IQANK1: variants seen among roughly 807,000 people sequenced by gnomAD.
The protein encoded by IQANK1 is IQ motif and ankyrin repeat containing 1.
Under a neutral mutation model 22.6 loss-of-function variants are expected in IQANK1, and 30 were observed. The ratio of observed to expected loss-of-function variants is 1.33; its 90% CI spans 0.99 to 1.80. IQANK1 has a LOEUF of 1.80. Among genes scored for constraint, IQANK1 ranks in the 40% most tolerant of loss-of-function variants. The pLI is 0.00. For missense variants in IQANK1, 275 were observed against 235.2 expected (o/e 1.17, Z -1.11); for synonymous variants, 122 against 99.6 (o/e 1.23, Z -1.34).
At chr8:143,737,123 C>T (rs1420844556) in intron 2 of IQANK1, among the ~76,000 whole-genome samples, 1 of 152,234 alleles carries the variant, frequency 6.6e-6, no homozygotes, top group East Asian at 1.9e-4. Context: ...GCCAGCCGCC[C>T]TCCTGGAATG....
rs1396592876 is a variant in IQANK1, at chr8:143,749,116, G to A, written c.175+9168G>A. Among the ~76,000 whole-genome samples the A allele has an allele frequency of 1.6e-3, 187 of 119,378 alleles. 1 individual carries two copies. Among genetic ancestry groups the A allele is most frequent in the African/African-American group, 3.9e-3 (113 of 29,152 alleles). The allele number at this position is 119,378 out of a possible 152,430, so 78.3% of individuals were successfully genotyped here. A position where few individuals can be genotyped will look rare whatever the true frequency, so the allele number is the denominator to read the frequency against. On this transcript the variant is annotated intron_variant, in intron 3 of 13. Transcript: ENST00000527139. ...AATATATAGCATATATGATATAAAC[G>A]TATATATAGCATATATGATATATAT...
intron 3 of IQANK1, among the ~76,000 whole-genome samples, chr8:143,751,660 G>GTATATATATATATATATATATATATA (rs1440239363): frequency 7.0e-4 from 31 of 43,992 alleles, no homozygotes; most frequent in Admixed American, 2.9e-3. Context: ...GTGTGTGTGT[G>GTATATATATATATATATATATATATA]TGTGTATATA....
chr8:143,748,537 A>C (rs1370010476), intron 3 of IQANK1, among the ~76,000 whole-genome samples: 1 of 136,600 alleles, frequency 7.3e-6, no homozygotes, highest in Non-Finnish European at 1.5e-5. Flanking sequence ...TATATATGAT[A>C]TATAATATAT....
At chr8:143,789,713 C>G (rs1819982688) in intron 10 of IQANK1, 48 bp from the exon 11 acceptor site, 1 of 1,225,072 alleles carries the variant, frequency 8.2e-7, no homozygotes, top group African/African-American at 1.6e-5. Flanking sequence ...CCCTCTCCAG[C>G]CAGAGCATGG....
chr8:143,744,019 A>C (rs1226368039), intron 3 of IQANK1: 1 of 314,846 alleles, frequency 3.2e-6, no homozygotes, highest in African/African-American at 2.3e-5. Context: ...TTTTTAGTAG[A>C]GACAGGGTTT....
chr8:143,770,353 G>A (rs758159075), intron 3 of IQANK1, among the ~76,000 whole-genome samples: 1 of 152,136 alleles, frequency 6.6e-6, no homozygotes, highest in Non-Finnish European at 1.5e-5. Flanking sequence ...CTAGACGCAC[G>A]TTATTCTTAT....
At chr8:143,753,021 T>TTTTTTTA (rs1819224624) in intron 3 of IQANK1, among the ~76,000 whole-genome samples, 3 of 135,848 alleles carry the variant, frequency 2.2e-5, no homozygotes, top group African/African-American at 8.2e-5. Flanking sequence ...TTTTTTTTTT[T>TTTTTTTA]GAGACAGGGT....
chr8:143,772,728 C>T (rs1480716832), intron 7 of IQANK1, among the ~76,000 whole-genome samples: 2 of 152,244 alleles, frequency 1.3e-5, no homozygotes, highest in African/African-American at 4.8e-5. Flanking sequence ...TTTAAAACCT[C>T]GTCAGTCTGC....
At chr8:143,778,472 C>T (rs1208872614) in intron 7 of IQANK1, among the ~76,000 whole-genome samples, 2 of 152,120 alleles carry the variant, frequency 1.3e-5, no homozygotes, top group Non-Finnish European at 2.9e-5. Flanking sequence ...CCTAAATGTT[C>T]ATGCAGCTAC....
intron 3 of IQANK1, among the ~76,000 whole-genome samples, chr8:143,748,492 GATAT>G (rs1303935438): frequency 8.1e-6 from 1 of 122,758 alleles, no homozygotes; most frequent in Non-Finnish European, 1.8e-5. Context: ...AAATATAGAT[GATAT>G]ATATGATATA....
chr8:143,753,580 A>G (rs1554628268), intron 3 of IQANK1, among the ~76,000 whole-genome samples: 2 of 151,562 alleles, frequency 1.3e-5, no homozygotes, highest in African/African-American at 4.9e-5. Flanking sequence ...CAACCTCCCA[A>G]GTAGCTGAGA....
intron 3 of IQANK1, among the ~76,000 whole-genome samples, chr8:143,747,980 T>A (rs541282449): frequency 6.8e-6 from 1 of 148,072 alleles, no homozygotes; most frequent in East Asian, 1.9e-4. Flanking sequence ...TTCCCTTTCC[T>A]TTCCCTTTCC....
In IQANK1 at chr8:143,772,189, G is replaced by GC. The variant is rs1446229026; in HGVS notation, c.610dup (p.Gln204ProfsTer59). On this transcript the variant is annotated frameshift_variant, in exon 6 of 14. Coordinates refer to ENST00000527139, the MANE Select transcript of IQANK1 (RefSeq NM_001381874.1). LOFTEE classifies it high-confidence loss of function. ...CGCTGTCGGAGGCGGCCGCAGGCGG[G>GC]CAGCCCCTGGCCATCCAGCTGCGGG... is the stretch of plus-strand genomic sequence containing the variant. The GC allele has an allele frequency of 2.5e-6, 1 of 393,766 alleles. No individual in the cohort carries two copies. The highest frequency in any genetic ancestry group is 2.1e-5 in the African/African-American group (1 of 48,350). The allele number at this position is 393,766 out of a possible 1,614,324, so 24.4% of individuals were successfully genotyped here.
intron 3 of IQANK1, among the ~76,000 whole-genome samples, chr8:143,750,830 A>T (rs1364379247): frequency 9.2e-5 from 14 of 152,174 alleles, no homozygotes; most frequent in Admixed American, 5.2e-4. Flanking sequence ...ACAAAAAATA[A>T]AATAAAATTA....
At chr8:143,749,193 C>T (rs1436151597) in intron 3 of IQANK1, among the ~76,000 whole-genome samples, 4 of 120,158 alleles carry the variant, frequency 3.3e-5, no homozygotes, top group South Asian at 2.4e-4. Context: ...AAATATATAT[C>T]ATATATAAAT....
chr8:143,737,843 C>T (rs879957212), intron 2 of IQANK1, among the ~76,000 whole-genome samples: 12 of 152,216 alleles, frequency 7.9e-5, no homozygotes, highest in Admixed American at 2.0e-4. Flanking sequence ...CTGCCGCCAC[C>T]GGTCCTCCAG....
rs1282307142 is a variant in IQANK1 at position 143,771,947 on chromosome 8, C to T, written c.453C>T (p.Ile151=). The T allele has an allele frequency of 7.9e-6, 3 of 381,446 alleles. No homozygotes were observed. Among genetic ancestry groups the T allele is most frequent in the Non-Finnish European group, 1.4e-5 (3 of 221,302 alleles). 23.6% of individuals were successfully genotyped at this position (381,446 alleles called of 1,614,324 possible). A position where few individuals can be genotyped will look rare whatever the true frequency, so the allele number is the denominator to read the frequency against. ...DAAFDGDVGE[I]RAVLKEVEQL... is the part of the protein sequence containing the mutation. Reference sequence around the variant, plus strand: ...CCTTCGACGGGGACGTGGGCGAGATCCGGGCGGTGCTGAAGGAGGTCAGCG... The same window carrying T: ...CCTTCGACGGGGACGTGGGCGAGATTCGGGCGGTGCTGAAGGAGGTCAGCG... The change falls in exon 5 of 14, where the codon ATC becomes ATT. Residue 151 remains isoleucine (I), a synonymous_variant. Transcript: ENST00000527139. This position sits in a 1 kb window ranked among gnomAD's most constrained non-coding sequence, Gnocchi z 6.0.
chr8:143,790,227 C>G lies in IQANK1; in HGVS notation c.1380C>G (p.Pro460=), dbSNP rs1379997315. ...TNYVDTVNPE[P]LRPETMWLAL... ...ATGTGGACACGGTGAACCCGGAGCC[C>G]CTGAGGCCGGAGACGATGTGGCTGG... The change falls in exon 13 of 14, where the codon CCC becomes CCG. Residue 460 remains proline (P), a synonymous_variant. Transcript: ENST00000527139. The G allele has an allele frequency of 2.7e-5, 33 of 1,232,046 alleles. No homozygotes were observed. Among genetic ancestry groups the G allele is most frequent in the Non-Finnish European group, 3.2e-5 (32 of 988,046 alleles). 76.3% of individuals were successfully genotyped at this position (1,232,046 alleles called of 1,614,324 possible).
intron 7 of IQANK1, among the ~76,000 whole-genome samples, chr8:143,784,758 C>G (rs1449621614): frequency 6.7e-6 from 1 of 149,012 alleles, no homozygotes; most frequent in Non-Finnish European, 1.5e-5. Context: ...AACACTTCTA[C>G]TTATAGCTCA....
Sources: allele counts gnomAD v4.1 joint callset (sites outside exome capture counted in the v4.1 genomes callset), GRCh38; gene constraint gnomAD v4.1.1; non-coding constraint Gnocchi (gnomAD v3.1); transcripts MANE v1.5; gene names NCBI Gene and HGNC (gene_info 2026-07-23, HGNC 2026-07-21).